The following SEC24B variants were observed in gnomAD, a reference collection of about 807,000 sequenced individuals.
The protein encoded by SEC24B is protein transport protein Sec24B.
Under a neutral mutation model 142.8 loss-of-function variants are expected in SEC24B, and 45 were observed. The ratio of observed to expected loss-of-function variants is 0.32; its 90% CI spans 0.25 to 0.40. The LOEUF (loss-of-function observed/expected upper bound fraction) is 0.40, where lower values mean the gene tolerates loss of function less well. Ranked by LOEUF, SEC24B falls within the 10% of genes least tolerant of loss-of-function variation. The pLI is 1.00. For missense variants in SEC24B, 1,409 were observed against 1,526.8 expected (o/e 0.92, Z 1.29); for synonymous variants, 574 against 568.2 (o/e 1.01, Z -0.15).
chr4:109,463,032 G>A lies in SEC24B; in HGVS notation c.265G>A (p.Asp89Asn). 1 of 1,614,096 alleles carries A rather than the reference G, an allele frequency of 6.2e-7. No individual in the cohort carries two copies. Among genetic ancestry groups the A allele is most frequent in the Non-Finnish European group, 8.5e-7 (1 of 1,179,994 alleles). Residue 89 changes from aspartate to asparagine, a missense_variant, in exon 2 of 24, where the codon GAT (aspartate) becomes AAT (asparagine). Physicochemically the swap from Asp to Asn is conservative, Grantham distance 23. Transcript: ENST00000265175. ...ATTGCCATTGGATACCCAGTGTGGT[G>A]ATTACTACTCTGCTCTCTATACAGT... ...TSLPLDTQCGDYYSALYTVPT... is the reference protein window; with the variant it reads ...TSLPLDTQCGNYYSALYTVPT...
chr4:109,513,777 C>T lies in SEC24B; in HGVS notation c.1934C>T (p.Thr645Ile). 1.9e-5 allele frequency: 31 copies of T among 1,612,862 alleles called. No individual in the cohort carries two copies. Among genetic ancestry groups the T allele is most frequent in the Non-Finnish European group, 2.5e-5 (30 of 1,179,004 alleles). The stretch of plus-strand genomic sequence containing the variant: ...GAAGAATTTATGTATAACCCCCTTA[C>T]CCGATCTTATGGAGAGCCTCATAAA... ...VPEEFMYNPL[T>I]RSYGEPHKRP... The change falls in exon 10 of 24, where the codon ACC becomes ATC. Residue 645 changes from threonine to isoleucine, a missense_variant. By Grantham distance (89) the Thr-to-Ile change is moderately conservative. Around this residue, in one of 2 missense-constraint regions of SEC24B, gnomAD observed 700 missense variants for 853.3 expected, o/e 0.82. Coordinates refer to ENST00000265175, the MANE Select transcript of SEC24B (RefSeq NM_006323.5).
chr4:109,499,432 G>GT (rs934189292), intron 6 of SEC24B, among the ~76,000 whole-genome samples: 1 of 151,966 alleles, frequency 6.6e-6, no homozygotes, highest in African/African-American at 2.4e-5. Flanking sequence ...GAGCTGAGGA[G>GT]TTTGAGACCA....
intron 14 of SEC24B, among the ~76,000 whole-genome samples, chr4:109,522,340 C>T (rs1023587614): frequency 4.6e-5 from 7 of 152,146 alleles, no homozygotes; most frequent in Admixed American, 2.0e-4. Context: ...CGTGAGCCAC[C>T]GTGCCCGGCG....
At chr4:109,442,199 C>T (rs1438028625) in intron 1 of SEC24B, among the ~76,000 whole-genome samples, 1 of 152,082 alleles carries the variant, frequency 6.6e-6, no homozygotes, top group Admixed American at 6.5e-5. Context: ...ACTGTGTATA[C>T]TGACCACTAA....
At chr4:109,526,103 C>A in intron 16 of SEC24B, 123 bp from the exon 17 acceptor site, 1 of 896,380 alleles carries the variant, frequency 1.1e-6, no homozygotes, top group Non-Finnish European at 1.7e-6. Flanking sequence ...TATGCTTGAA[C>A]CTTGACTCCC....
At chr4:109,466,454 A>T (rs1300211587) in intron 2 of SEC24B, among the ~76,000 whole-genome samples, 1 of 152,254 alleles carries the variant, frequency 6.6e-6, no homozygotes, top group Admixed American at 6.5e-5. Flanking sequence ...TCTGTCACCC[A>T]GGCTGGAGTG....
chr4:109,466,655 C>T (rs1186369243), intron 2 of SEC24B, among the ~76,000 whole-genome samples: 2 of 152,150 alleles, frequency 1.3e-5, no homozygotes, highest in Non-Finnish European at 2.9e-5. Context: ...TGTGATCCGC[C>T]CGCCTTGGCC....
chr4:109,471,657 G>A (rs1732538149), intron 2 of SEC24B, among the ~76,000 whole-genome samples: 1 of 152,056 alleles, frequency 6.6e-6, no homozygotes, highest in Non-Finnish European at 1.5e-5. Context: ...CATTTTGCTG[G>A]AGGTTTGCGG....
At chr4:109,471,341 T>C (rs1302447336) in intron 2 of SEC24B, among the ~76,000 whole-genome samples, 1 of 151,922 alleles carries the variant, frequency 6.6e-6, no homozygotes, top group Non-Finnish European at 1.5e-5. Context: ...GATAGGGTTT[T>C]GCCGTGTTGC....
rs572020289 is a variant in SEC24B at position 109,501,156 on chromosome 4, G to A, written c.1489-5172G>A. Among the ~76,000 whole-genome samples, 6 of 152,196 alleles carry A rather than the reference G, an allele frequency of 3.9e-5. No homozygotes were observed. In the South Asian group the frequency reaches 1.2e-3, roughly 32 times the overall value. ...CATTTTGTATCTTTTATACTATATT[G>A]TTCTTGTAGTTTTTCTATGTTTAGA... On this transcript the variant is annotated intron_variant, in intron 6 of 23. Transcript: ENST00000265175.
Position 109,494,831 on chromosome 4 carries a change from A to G in SEC24B, c.1463A>G (p.Tyr488Cys). 1 of 1,614,092 alleles carries G rather than the reference A, an allele frequency of 6.2e-7. No individual in the cohort carries two copies. The highest frequency in any genetic ancestry group is 1.6e-4 in the Middle Eastern group (1 of 6,062). ...GGAGTACAGCCCAGTAACCCGGTAT[A>G]TTCTGGATTCCAGCAGTATCCTCAA... ...ISGVQPSNPV[Y>C]SGFQQYPQQY... The change falls in exon 6 of 24, where the codon TAT (tyrosine) becomes TGT (cysteine). Residue 488 changes from tyrosine to cysteine, a missense_variant. Tyr to Cys is a radical substitution (Grantham distance 194, BLOSUM62 -2). Coordinates refer to ENST00000265175, the MANE Select transcript of SEC24B (RefSeq NM_006323.5).
At chr4:109,498,699 T>C (rs1056636323) in intron 6 of SEC24B, among the ~76,000 whole-genome samples, 1 of 152,162 alleles carries the variant, frequency 6.6e-6, no homozygotes. Context: ...GGTAATAATA[T>C]CTTAGCTTAG....
intron 7 of SEC24B, among the ~76,000 whole-genome samples, chr4:109,509,209 C>T (rs1297436154): frequency 6.6e-6 from 1 of 152,076 alleles, no homozygotes; most frequent in Non-Finnish European, 1.5e-5. Context: ...GGTCCTGAAG[C>T]AGGAACAAGC....
At chr4:109,447,349 TC>T (rs1729575552) in intron 1 of SEC24B, among the ~76,000 whole-genome samples, 2 of 151,880 alleles carry the variant, frequency 1.3e-5, no homozygotes, top group African/African-American at 4.8e-5. Context: ...AAAAAAAGTT[TC>T]AAAAAAGGTA....
intron 4 of SEC24B, among the ~76,000 whole-genome samples, chr4:109,483,383 G>T (rs558310947): frequency 6.6e-6 from 1 of 151,938 alleles, no homozygotes; most frequent in South Asian, 2.1e-4. Flanking sequence ...CCGGCCTTGT[G>T]CAATATTTTT....
intron 2 of SEC24B, among the ~76,000 whole-genome samples, chr4:109,467,154 G>A (rs191775662): frequency 0.094 from 14,201 of 151,186 alleles, 829 homozygotes; most frequent in East Asian, 0.18. Context: ...GTGAAACCCC[G>A]TCTCTACTAA....
At chr4:109,535,682 AC>A (rs2126106010) in intron 22 of SEC24B, among the ~76,000 whole-genome samples, 1 of 152,134 alleles carries the variant, frequency 6.6e-6, no homozygotes, top group African/African-American at 2.4e-5. Context: ...CCTTGTCTCT[AC>A]TAAAAATACA....
chr4:109,489,299 G>A lies in SEC24B; in HGVS notation c.1166-2028G>A, dbSNP rs11942225. Among the ~76,000 whole-genome samples the A allele has an allele frequency of 5.5e-3, 832 of 151,866 alleles. 14 individuals are homozygous for A. The highest frequency in any genetic ancestry group is 0.019 in the African/African-American group (767 of 41,428). Reference sequence around the variant, plus strand: ...AAGGGGTCCAGCTTTGTTCTTCTGCGTGTGGATATGTCTAGTTGTTCCAGC... The same window carrying A: ...AAGGGGTCCAGCTTTGTTCTTCTGCATGTGGATATGTCTAGTTGTTCCAGC... On this transcript the variant is annotated intron_variant, in intron 4 of 23. Transcript: ENST00000265175.
At chr4:109,530,523 A>G in intron 19 of SEC24B, 59 bp downstream of exon 19, 4 of 1,333,670 alleles carry the variant, frequency 3.0e-6, no homozygotes, top group Non-Finnish European at 4.2e-6. Context: ...AGATATGTAC[A>G]TGAAGAAAGG....
Sources: allele counts gnomAD v4.1 joint callset (sites outside exome capture counted in the v4.1 genomes callset), GRCh38; gene constraint gnomAD v4.1.1; regional missense constraint gnomAD v4.1.1; transcripts MANE v1.5; gene names NCBI Gene and HGNC (gene_info 2026-07-23, HGNC 2026-07-21).